The following ASTN2 variants were observed in gnomAD, a reference collection of about 807,000 sequenced individuals.
ASTN2 encodes astrotactin 2.
In ASTN2, 54 loss-of-function variants were observed where a neutral mutation model predicts 139.8. The observed-to-expected ratio is 0.39, with a 90% CI of 0.31 to 0.48. The LOEUF (loss-of-function observed/expected upper bound fraction) is 0.48. ASTN2 is among the 20% of genes least tolerant of loss of function. The pLI, the probability that ASTN2 is intolerant of heterozygous loss-of-function variation, is 0.95. For synonymous variants in ASTN2, 756 were observed against 719.5 expected, an observed-to-expected ratio of 1.05 and a Z score of -0.81; for missense variants, 1,565 against 1,725.1, an observed-to-expected ratio of 0.91 and a Z score of 1.64.
intron 7 of ASTN2, among the ~76,000 whole-genome samples, chr9:116,980,580 C>T (rs375015596): frequency 6.6e-6 from 1 of 152,118 alleles, no homozygotes; most frequent in Non-Finnish European, 1.5e-5. Flanking sequence ...GTAGATCACT[C>T]ATCACTTCTG....
rs78534735 is a variant in ASTN2 at position 117,394,719 on chromosome 9, C to T, written c.442+19778G>A. Among the ~76,000 whole-genome samples the T allele has an allele frequency of 3.9e-3, 596 of 152,188 alleles. 2 individuals carry two copies. Among genetic ancestry groups the T allele is most frequent in the South Asian group, 0.024 (116 of 4,814 alleles). Reference sequence around the variant, plus strand: ...AAATGGGAAAGTAAAGCTTATTTTCCGGACAGTAAAAACCCCAGTTTGGCT... The same window carrying T: ...AAATGGGAAAGTAAAGCTTATTTTCTGGACAGTAAAAACCCCAGTTTGGCT... On this transcript the variant is annotated intron_variant, in intron 1 of 22. Coordinates refer to ENST00000313400, the MANE Select transcript of ASTN2 (RefSeq NM_001365068.1).
At chr9:117,376,934 TA>T (rs979590362) in intron 1 of ASTN2, among the ~76,000 whole-genome samples, 3 of 150,852 alleles carry the variant, frequency 2.0e-5, no homozygotes, top group African/African-American at 4.9e-5. Flanking sequence ...AACTAATCTT[TA>T]AAAAAAAACA....
chr9:116,955,294 A>T (rs1835676681), intron 10 of ASTN2, among the ~76,000 whole-genome samples: 1 of 152,244 alleles, frequency 6.6e-6, no homozygotes, highest in Non-Finnish European at 1.5e-5. Flanking sequence ...AGTCCTCATG[A>T]AATGGAAACC....
chr9:117,276,411 C>A (rs1834190189), intron 2 of ASTN2, among the ~76,000 whole-genome samples: 1 of 152,206 alleles, frequency 6.6e-6, no homozygotes, highest in Non-Finnish European at 1.5e-5. Flanking sequence ...CTGAGAACAT[C>A]TGCTACCACA....
chr9:117,136,647 G>A (rs181819862), intron 4 of ASTN2, among the ~76,000 whole-genome samples: 166 of 152,224 alleles, frequency 1.1e-3, no homozygotes, highest in Middle Eastern at 6.8e-3. Context: ...TGCATTTATC[G>A]GTGCCAACGC....
intron 1 of ASTN2, among the ~76,000 whole-genome samples, chr9:117,330,358 C>T (rs998579116): frequency 2.0e-5 from 3 of 152,198 alleles, no homozygotes; most frequent in African/African-American, 7.2e-5. Context: ...AGTGGAAAAA[C>T]AGAGCAAAGC....
chr9:116,955,688 TCTGA>T (rs1235846704), intron 10 of ASTN2, among the ~76,000 whole-genome samples: 1 of 152,228 alleles, frequency 6.6e-6, no homozygotes, highest in Admixed American at 6.5e-5. Context: ...TGCTCTAGCA[TCTGA>T]CTGTGTGGTC....
At chr9:116,711,386 G>T (rs571850448) in intron 16 of ASTN2, among the ~76,000 whole-genome samples, 5 of 152,278 alleles carry the variant, frequency 3.3e-5, no homozygotes, top group Non-Finnish European at 7.3e-5. Context: ...TACAAGGTAT[G>T]GCAGCAGGAA....
chr9:116,629,269 C>T (rs1588110401), intron 17 of ASTN2, among the ~76,000 whole-genome samples: 1 of 152,088 alleles, frequency 6.6e-6, no homozygotes, highest in East Asian at 1.9e-4. Flanking sequence ...AGGCGCCTGC[C>T]ACCATGCCCG....
chr9:116,928,495 A>T (rs1304503534), intron 10 of ASTN2, among the ~76,000 whole-genome samples: 1 of 152,170 alleles, frequency 6.6e-6, no homozygotes, highest in Non-Finnish European at 1.5e-5. Flanking sequence ...CTAACCTTGT[A>T]TGTACTTCCA....
chr9:117,214,856 G>C, intron 2 of ASTN2, 114 bp from the exon 3 acceptor site: 1 of 1,211,524 alleles, frequency 8.3e-7, no homozygotes, highest in Non-Finnish European at 1.0e-6. Context: ...GGCTCATAGA[G>C]CCTCAGGAAC....
chr9:116,561,977 T>G (rs1425527202), intron 19 of ASTN2: 1 of 152,244 alleles, frequency 6.6e-6, no homozygotes, highest in Non-Finnish European at 1.5e-5. Context: ...TTCTTCTTCC[T>G]GAGAAGCCCT....
intron 19 of ASTN2, chr9:116,611,999 G>A (rs1441133958): frequency 2.6e-5 from 4 of 152,048 alleles, no homozygotes; most frequent in South Asian, 2.1e-4. Flanking sequence ...TCACATAGTA[G>A]GTTGTTTTAT....
At chr9:117,012,715 C>A (rs1837570143) in intron 6 of ASTN2, among the ~76,000 whole-genome samples, 1 of 152,200 alleles carries the variant, frequency 6.6e-6, no homozygotes, top group Non-Finnish European at 1.5e-5. Context: ...ACATAATGAA[C>A]TGTTCCCTCC....
At chr9:116,542,968 T>A (rs1851936138) in intron 19 of ASTN2, among the ~76,000 whole-genome samples, 1 of 147,864 alleles carries the variant, frequency 6.8e-6, no homozygotes, top group South Asian at 2.2e-4. Flanking sequence ...ATAAGCTTGA[T>A]GTTCACCTTT....
At chr9:117,010,888 A>C (rs1361680810) in intron 6 of ASTN2, among the ~76,000 whole-genome samples, 1 of 152,204 alleles carries the variant, frequency 6.6e-6, no homozygotes, top group Non-Finnish European at 1.5e-5. Context: ...CACATTGGCC[A>C]GTCATAAGCT....
At chr9:116,673,308 G>A (rs923108694) in intron 16 of ASTN2, among the ~76,000 whole-genome samples, 8 of 152,020 alleles carry the variant, frequency 5.3e-5, no homozygotes, top group Admixed American at 3.9e-4. Context: ...ACAATTCACC[G>A]GTTACATATC....
At chr9:116,850,399 G>T (rs1832567436) in intron 11 of ASTN2, among the ~76,000 whole-genome samples, 1 of 152,182 alleles carries the variant, frequency 6.6e-6, no homozygotes, top group Non-Finnish European at 1.5e-5. Context: ...TAGAACAGCA[G>T]GAATCTGTGT....
intron 19 of ASTN2, among the ~76,000 whole-genome samples, chr9:116,522,766 T>C (rs1270449718): frequency 3.3e-5 from 5 of 152,170 alleles, no homozygotes; most frequent in African/African-American, 9.7e-5. Context: ...ACTTCCATTG[T>C]ACAGATTTGA....
Sources: gnomAD v4.1 joint callset for allele counts (sites outside exome capture counted in the v4.1 genomes callset) on GRCh38, gnomAD v4.1.1 for gene constraint, MANE v1.5 for transcripts, NCBI Gene and HGNC (gene_info 2026-07-23, HGNC 2026-07-21) for gene names.